The following WDPCP variants were observed in gnomAD, a reference collection of about 807,000 sequenced individuals.
WDPCP encodes the protein WD repeat containing planar cell polarity effector.
In WDPCP, 71 loss-of-function variants were observed where a neutral mutation model predicts 93.1. The ratio of observed to expected loss-of-function variants is 0.76; its 90% CI spans 0.63 to 0.93. The LOEUF (loss-of-function observed/expected upper bound fraction) is 0.93, where lower values mean the gene tolerates loss of function less well. Among genes scored for constraint, WDPCP ranks in the 40% least tolerant of loss-of-function variants. The pLI is 0.00. For missense variants in WDPCP, 844 were observed against 887.4 expected, an observed-to-expected ratio of 0.95 and a Z score of 0.62; for synonymous variants, 315 against 315.0, an observed-to-expected ratio of 1.00 and a Z score of 0.00.
intron 3 of WDPCP, among the ~76,000 whole-genome samples, chr2:63,632,881 A>T (rs1709878853): frequency 6.6e-6 from 1 of 152,190 alleles, no homozygotes; most frequent in Admixed American, 6.5e-5. Context: ...AAGCTCATAG[A>T]TCCCCATACA....
intron 9 of WDPCP, among the ~76,000 whole-genome samples, chr2:63,422,094 TCCCTAAC>T (rs1449804630): frequency 6.6e-6 from 1 of 152,130 alleles, no homozygotes; most frequent in Non-Finnish European, 1.5e-5. Context: ...CAGCCTAATA[TCCCTAAC>T]ACCCTGACTC....
In WDPCP at chr2:63,313,412, C is replaced by G. The variant is rs1686333951; in HGVS notation, c.1749-101G>C. On this transcript the variant is annotated intron_variant, in intron 12 of 17. Coordinates refer to ENST00000272321, the MANE Select transcript of WDPCP (RefSeq NM_015910.7). ...TATCTGTGATACTGTTTTTGTCCTT[C>G]TGATTGGAAAAATATTTTCAAACAG... 9.1e-5 allele frequency: 107 copies of G among 1,176,784 alleles called. No individual in the cohort carries two copies. In the South Asian group the frequency reaches 1.4e-3, roughly 15 times the overall value. 72.9% of individuals were successfully genotyped at this position (1,176,784 alleles called of 1,614,324 possible). A position where few individuals can be genotyped will look rare whatever the true frequency, so the allele number is the denominator to read the frequency against.
At chr2:63,653,043 A>T (rs1435048956) in intron 2 of WDPCP, among the ~76,000 whole-genome samples, 1 of 152,188 alleles carries the variant, frequency 6.6e-6, no homozygotes, top group Non-Finnish European at 1.5e-5. Flanking sequence ...TGAATCCTTC[A>T]ATTGCTCTGG....
intron 14 of WDPCP, among the ~76,000 whole-genome samples, chr2:63,200,225 T>C (rs1429098152): frequency 6.6e-6 from 1 of 152,208 alleles, no homozygotes; most frequent in African/African-American, 2.4e-5. Flanking sequence ...AAGGGAAAAC[T>C]CATGCATTGT....
chr2:63,772,944 CT>C, intron 2 of WDPCP, among the ~76,000 whole-genome samples: 1 of 151,956 alleles, frequency 6.6e-6, no homozygotes, highest in Non-Finnish European at 1.5e-5. Flanking sequence ...GGCCTAGCCA[CT>C]ACAATAAGTC....
chr2:63,721,263 T>C (rs950913590), intron 2 of WDPCP, among the ~76,000 whole-genome samples: 2 of 152,228 alleles, frequency 1.3e-5, no homozygotes, highest in Non-Finnish European at 2.9e-5. Context: ...CACTTCAGAG[T>C]GGTGTCATGA....
chr2:63,756,762 C>T (rs1669974662), intron 2 of WDPCP, among the ~76,000 whole-genome samples: 1 of 152,072 alleles, frequency 6.6e-6, no homozygotes, highest in Non-Finnish European at 1.5e-5. Flanking sequence ...AGAACTTAGC[C>T]AACATTTATA....
chr2:63,531,409 T>C (rs1274686367), intron 1 of WDPCP, among the ~76,000 whole-genome samples: 1 of 152,164 alleles, frequency 6.6e-6, no homozygotes, highest in East Asian at 1.9e-4. Context: ...CCCTGACCCC[T>C]GAGTAGCCTA....
intron 11 of WDPCP, among the ~76,000 whole-genome samples, chr2:63,379,011 C>T (rs925185461): frequency 6.6e-6 from 1 of 151,886 alleles, no homozygotes; most frequent in African/African-American, 2.4e-5. Context: ...CGTGAAAGTC[C>T]CTATATCTTC....
At chr2:63,719,063 C>T (rs1225534742) in intron 2 of WDPCP, among the ~76,000 whole-genome samples, 3 of 152,050 alleles carry the variant, frequency 2.0e-5, no homozygotes, top group African/African-American at 7.2e-5. Flanking sequence ...AGTTGTCAAG[C>T]TTAAGAGATT....
chr2:63,662,499 AG>A (rs1710236541), intron 2 of WDPCP, among the ~76,000 whole-genome samples: 3 of 152,138 alleles, frequency 2.0e-5, no homozygotes, highest in Non-Finnish European at 4.4e-5. Flanking sequence ...TGGTTCCCCA[AG>A]CCCTACAGAG....
chr2:63,784,983 T>C (rs975800989), intron 2 of WDPCP, among the ~76,000 whole-genome samples: 5 of 152,154 alleles, frequency 3.3e-5, no homozygotes, highest in Non-Finnish European at 5.9e-5. Context: ...AATGAAACAA[T>C]ATATACAGAG....
intron 2 of WDPCP, among the ~76,000 whole-genome samples, chr2:63,665,242 T>C (rs1304643920): frequency 6.6e-6 from 1 of 152,174 alleles, no homozygotes; most frequent in Admixed American, 6.5e-5. Flanking sequence ...AAGGTGTTAG[T>C]AGTGTTGGTT....
chr2:63,618,752 G>A (rs1442843020), intron 3 of WDPCP, among the ~76,000 whole-genome samples: 11 of 150,498 alleles, frequency 7.3e-5, no homozygotes, highest in African/African-American at 2.5e-4. Flanking sequence ...GTGCAATGGC[G>A]CAATCTCCGC....
At chr2:63,591,657 C>T (rs1252494000), upstream of WDPCP, among the ~76,000 whole-genome samples, 1 of 152,080 alleles carries the variant, frequency 6.6e-6, no homozygotes, top group Non-Finnish European at 1.5e-5. Context: ...TACTTTATAC[C>T]CTAACCTTCC....
intron 14 of WDPCP, among the ~76,000 whole-genome samples, chr2:63,220,956 T>C (rs1391376221): frequency 6.6e-6 from 1 of 152,190 alleles, no homozygotes; most frequent in Non-Finnish European, 1.5e-5. Context: ...CATGTAGTAT[T>C]TGGTTTTCTG....
intron 2 of WDPCP, among the ~76,000 whole-genome samples, chr2:63,790,629 G>A (rs771527736): frequency 5.9e-5 from 9 of 152,174 alleles, no homozygotes; most frequent in Admixed American, 1.3e-4. Flanking sequence ...TCATGGTTAG[G>A]ACCATGAAGC....
chr2:63,684,364 G>C, intron 2 of WDPCP: 1 of 709,882 alleles, frequency 1.4e-6, no homozygotes, highest in Non-Finnish European at 2.6e-6. Context: ...CACTACTCTG[G>C]ACGCAAAGCC....
intron 1 of WDPCP, among the ~76,000 whole-genome samples, chr2:63,583,413 G>A (rs535801882): frequency 2.6e-5 from 4 of 152,252 alleles, no homozygotes; most frequent in East Asian, 3.9e-4. Context: ...GGCAGAGCAC[G>A]GTGGCTCATG....
Sources: gnomAD v4.1 joint callset for allele counts (sites outside exome capture counted in the v4.1 genomes callset) on GRCh38, gnomAD v4.1.1 for gene constraint, MANE v1.5 for transcripts, NCBI Gene and HGNC (gene_info 2026-07-23, HGNC 2026-07-21) for gene names.